KCNAB1: variants seen among roughly 807,000 people sequenced by gnomAD.
The protein encoded by KCNAB1 is potassium voltage-gated channel subfamily A regulatory beta subunit 1.
In KCNAB1, 35 loss-of-function variants were observed where a neutral mutation model predicts 64.6. That is an observed-to-expected ratio of 0.54 (90% CI 0.41 to 0.72). The LOEUF (loss-of-function observed/expected upper bound fraction) is 0.72, where lower values mean the gene tolerates loss of function less well. KCNAB1 is among the 30% of genes least tolerant of loss of function. The pLI, the probability that KCNAB1 is intolerant of heterozygous loss-of-function variation, is 0.00. For missense variants in KCNAB1, 401 were observed against 512.9 expected (o/e 0.78, Z 2.11); for synonymous variants, 177 against 183.8 (o/e 0.96, Z 0.30).
chr3:156,321,480 G>A (rs991796519), intron 1 of KCNAB1, among the ~76,000 whole-genome samples: 5 of 152,328 alleles, frequency 3.3e-5, no homozygotes, highest in Middle Eastern at 3.4e-3. Flanking sequence ...GCTACTGAGC[G>A]ATGGTATTTG....
chr3:156,393,153 T>G (rs1236418628), intron 1 of KCNAB1, among the ~76,000 whole-genome samples: 2 of 152,136 alleles, frequency 1.3e-5, no homozygotes, highest in African/African-American at 4.8e-5. Context: ...GATCACCCCC[T>G]CTAAGAGGGG....
chr3:156,186,664 C>T (rs1713211190), intron 1 of KCNAB1, among the ~76,000 whole-genome samples: 1 of 152,036 alleles, frequency 6.6e-6, no homozygotes, highest in African/African-American at 2.4e-5. Context: ...CTCTTACCTC[C>T]TTGCACCCTA....
intron 1 of KCNAB1, among the ~76,000 whole-genome samples, chr3:156,201,890 T>C (rs578082356): frequency 2.2e-4 from 33 of 152,206 alleles, no homozygotes; most frequent in Middle Eastern, 3.4e-3. Flanking sequence ...TCAGGTGCAT[T>C]TGCCAGCACA....
intron 1 of KCNAB1, among the ~76,000 whole-genome samples, chr3:156,322,298 A>T (rs1023491295): frequency 1.3e-5 from 2 of 152,188 alleles, no homozygotes; most frequent in African/African-American, 4.8e-5. Context: ...TGAACGTTTG[A>T]TGTGACTGAA....
In KCNAB1 at chr3:156,130,127, A is replaced by C. The variant is rs559283379; in HGVS notation, c.275+9241A>C. Among the ~76,000 whole-genome samples the C allele has an allele frequency of 1.5e-3, 229 of 152,314 alleles. 1 individual carries two copies. The highest frequency in any genetic ancestry group is 5.0e-3 in the African/African-American group (206 of 41,554). On this transcript the variant is annotated intron_variant, in intron 1 of 13. Coordinates refer to ENST00000490337, the MANE Select transcript of KCNAB1 (RefSeq NM_172160.3). ...GGAAATAAAAACATCTGTGTTATCC[A>C]TCTTCTAGGATTTTAAAGATTAGAT...
chr3:156,253,313 A>G (rs568735791), intron 1 of KCNAB1, among the ~76,000 whole-genome samples: 14 of 152,338 alleles, frequency 9.2e-5, no homozygotes, highest in Admixed American at 7.2e-4. Context: ...GGAGTGAGAT[A>G]CGTGGCTGAA....
At chr3:156,371,725 T>G (rs1726320172) in intron 1 of KCNAB1, among the ~76,000 whole-genome samples, 1 of 152,110 alleles carries the variant, frequency 6.6e-6, no homozygotes, top group Non-Finnish European at 1.5e-5. Flanking sequence ...TCCCCCTCAG[T>G]TTTTCAGTAT....
At position 156,290,671 on chromosome 3, in the gene KCNAB1, A is replaced by G. The variant is rs112512546; in HGVS notation, c.276-130945A>G. On this transcript the variant is annotated intron_variant, in intron 1 of 13. Transcript: ENST00000490337. Reference sequence around the variant, plus strand: ...AGGTGGCCACAGATGATCAGTGGGCAGTGTATGTGGTTTCAGCCACATGCC... The same window carrying G: ...AGGTGGCCACAGATGATCAGTGGGCGGTGTATGTGGTTTCAGCCACATGCC... Among the ~76,000 whole-genome samples, 1,204 of 152,334 alleles carry G rather than the reference A, an allele frequency of 7.9e-3. 16 individuals are homozygous for G. Among genetic ancestry groups the G allele is most frequent in the African/African-American group, 0.027 (1,121 of 41,572 alleles).
chr3:156,262,322 G>A (rs574193601), intron 1 of KCNAB1, among the ~76,000 whole-genome samples: 84 of 152,086 alleles, frequency 5.5e-4, no homozygotes, highest in African/African-American at 1.8e-3. Context: ...GATGTGAGCT[G>A]TGGATTTTTC....
intron 1 of KCNAB1, among the ~76,000 whole-genome samples, chr3:156,348,984 G>C (rs535133772): frequency 6.6e-6 from 1 of 152,194 alleles, no homozygotes; most frequent in Non-Finnish European, 1.5e-5. Context: ...CATGCTATCA[G>C]CCTATACTGA....
intron 1 of KCNAB1, among the ~76,000 whole-genome samples, chr3:156,249,812 C>T (rs1560158014): frequency 6.6e-6 from 1 of 152,164 alleles, no homozygotes; most frequent in African/African-American, 2.4e-5. Flanking sequence ...AAAATGTAGT[C>T]TCTAGCTCAG....
At chr3:156,385,701 A>G (rs967521376) in intron 1 of KCNAB1, among the ~76,000 whole-genome samples, 14 of 152,240 alleles carry the variant, frequency 9.2e-5, no homozygotes, top group Non-Finnish European at 1.2e-4. Flanking sequence ...TGAACACAGC[A>G]AAATACATTC....
chr3:156,157,688 T>C (rs1715802845), intron 1 of KCNAB1, among the ~76,000 whole-genome samples: 1 of 152,222 alleles, frequency 6.6e-6, no homozygotes, highest in African/African-American at 2.4e-5. Flanking sequence ...ATCTTTTATA[T>C]TGACCCACAG....
intron 2 of KCNAB1, among the ~76,000 whole-genome samples, chr3:156,448,767 T>A (rs1221228546): frequency 7.5e-6 from 1 of 133,048 alleles, no homozygotes; most frequent in Admixed American, 6.9e-5. Context: ...GAAATATTCA[T>A]TTTTCTATAA....
chr3:156,178,207 C>T (rs754437959), intron 1 of KCNAB1, among the ~76,000 whole-genome samples: 11 of 152,126 alleles, frequency 7.2e-5, no homozygotes, highest in Admixed American at 2.0e-4. Flanking sequence ...GCTTTCTTGC[C>T]TGTAAAAGGA....
At chr3:156,166,732 C>T (rs529110550) in intron 1 of KCNAB1, among the ~76,000 whole-genome samples, 1 of 152,210 alleles carries the variant, frequency 6.6e-6, no homozygotes, top group South Asian at 2.1e-4. Context: ...ACTGTTTCAG[C>T]TAAATGTCTA....
In KCNAB1 at chr3:156,284,630, A is replaced by T. The variant is rs4392375; in HGVS notation, c.276-136986A>T. 1.4e-3 allele frequency among the ~76,000 whole-genome samples: 219 copies of T among 152,110 alleles called. 1 individual carries two copies. Among genetic ancestry groups the T allele is most frequent in the African/African-American group, 4.8e-3 (201 of 41,500 alleles). Reference sequence around the variant, plus strand: ...TAGCAATCAGCGAGACTCCGTGGGCATAGGACCCTCGGAGCCAGGTGTGGG... The same window carrying T: ...TAGCAATCAGCGAGACTCCGTGGGCTTAGGACCCTCGGAGCCAGGTGTGGG... On this transcript the variant is annotated intron_variant, in intron 1 of 13. Transcript: ENST00000490337.
intron 1 of KCNAB1, among the ~76,000 whole-genome samples, chr3:156,275,221 C>T (rs996650946): frequency 5.9e-5 from 9 of 152,188 alleles, no homozygotes; most frequent in Non-Finnish European, 1.3e-4. Flanking sequence ...GTTATGTTTA[C>T]ATTACACTGT....
At chr3:156,249,048 A>G (rs545618254) in intron 1 of KCNAB1, among the ~76,000 whole-genome samples, 20 of 150,842 alleles carry the variant, frequency 1.3e-4, no homozygotes, top group African/African-American at 4.9e-4. Context: ...TTAATTTTTT[A>G]ATTTTTTTAT....
Sources: gnomAD v4.1 joint callset for allele counts (sites outside exome capture counted in the v4.1 genomes callset) on GRCh38, gnomAD v4.1.1 for gene constraint, MANE v1.5 for transcripts, NCBI Gene and HGNC (gene_info 2026-07-23, HGNC 2026-07-21) for gene names.